The following VPS8 variants were observed in gnomAD, a reference collection of about 807,000 sequenced individuals.
VPS8 encodes vacuolar protein sorting-associated protein 8 homolog.
Under a neutral mutation model 216.4 loss-of-function variants are expected in VPS8, and 129 were observed. The ratio of observed to expected loss-of-function variants is 0.60; its 90% CI spans 0.52 to 0.69. The LOEUF (loss-of-function observed/expected upper bound fraction) is 0.69. Ranked by LOEUF, VPS8 falls within the 30% of genes least tolerant of loss-of-function variation. The probability of loss-of-function intolerance (pLI) is 0.00; values close to 1 mark genes in which losing one functional copy is unlikely to be tolerated. For synonymous variants in VPS8, 571 were observed against 565.4 expected, an observed-to-expected ratio of 1.01 and a Z score of -0.14; for missense variants, 1,531 against 1,683.5, an observed-to-expected ratio of 0.91 and a Z score of 1.59.
chr3:185,025,668 C>A (rs965340039), intron 46 of VPS8, among the ~76,000 whole-genome samples: 2 of 152,194 alleles, frequency 1.3e-5, no homozygotes, highest in Admixed American at 6.5e-5. Context: ...CACACTGTAA[C>A]GCAAAGAGCT....
At chr3:184,816,010 T>TGAA (rs1181974099) in intron 1 of VPS8, 1 of 152,134 alleles carries the variant, frequency 6.6e-6, no homozygotes, top group East Asian at 1.9e-4. Context: ...GTCAGTTATG[T>TGAA]GAAGAAGAAA....
At chr3:184,971,138 A>G (rs1033066520) in intron 39 of VPS8, among the ~76,000 whole-genome samples, 2 of 152,236 alleles carry the variant, frequency 1.3e-5, no homozygotes, top group Non-Finnish European at 2.9e-5. Flanking sequence ...TCTTAGGTTC[A>G]TTAGAAAATT....
chr3:185,008,403 C>G (rs1754547401), intron 45 of VPS8, among the ~76,000 whole-genome samples: 1 of 152,124 alleles, frequency 6.6e-6, no homozygotes, highest in African/African-American at 2.4e-5. Context: ...AAAAAATAAC[C>G]ATAGTTCCCA....
chr3:184,873,246 G>A (rs1032708172), intron 21 of VPS8, among the ~76,000 whole-genome samples: 2 of 152,186 alleles, frequency 1.3e-5, no homozygotes, highest in Admixed American at 6.5e-5. Context: ...TGGTGGAGAT[G>A]GGACTCATAT....
At chr3:184,974,300 G>A (rs1238304443) in intron 40 of VPS8, among the ~76,000 whole-genome samples, 2 of 152,080 alleles carry the variant, frequency 1.3e-5, no homozygotes, top group African/African-American at 2.4e-5. Context: ...GATGGTTACC[G>A]ACGTTGGAAG....
At position 184,901,941 on chromosome 3, in the gene VPS8, G is replaced by A. The variant is rs142700928; in HGVS notation, c.2146+969G>A. ...CCGCTCCACATCCTTGCAAGCACTT[G>A]ATACTGTCAGTGTTTTAAAATCTTC... is the stretch of plus-strand genomic sequence containing the variant. On this transcript the variant is annotated intron_variant, in intron 25 of 47. Transcript: ENST00000625842. Among the ~76,000 whole-genome samples the A allele has an allele frequency of 4.6e-5, 7 of 152,214 alleles. No individual in the cohort carries two copies. The East Asian group carries it at 1.4e-3, about 29-fold the overall frequency.
At chr3:184,872,492 T>C (rs1728522463) in intron 21 of VPS8, among the ~76,000 whole-genome samples, 1 of 152,078 alleles carries the variant, frequency 6.6e-6, no homozygotes, top group African/African-American at 2.4e-5. Context: ...GATGCATTAC[T>C]ACTAACAGAT....
At chr3:184,982,681 C>T (rs372977241) in intron 41 of VPS8, 34 bp downstream of exon 41, 32 of 1,499,380 alleles carry the variant, frequency 2.1e-5, no homozygotes, top group Admixed American at 7.2e-5. Context: ...ACTGAGTCCA[C>T]CTGTATCATC....
intron 40 of VPS8, among the ~76,000 whole-genome samples, chr3:184,977,213 C>G (rs1447622086): frequency 6.6e-6 from 1 of 152,050 alleles, no homozygotes; most frequent in Non-Finnish European, 1.5e-5. Context: ...ATTAGTGATG[C>G]GTAGCATTTT....
At chr3:184,854,600 T>C (rs893928646) in intron 13 of VPS8, among the ~76,000 whole-genome samples, 2 of 152,190 alleles carry the variant, frequency 1.3e-5, no homozygotes, top group African/African-American at 4.8e-5. Flanking sequence ...GATAAGTTGA[T>C]TTATTGAGTC....
rs1759064087 is a variant in VPS8 at position 185,037,367 on chromosome 3, A to G, written c.4057-11112A>G. ...AGTCATTTTTCTCTTGCTGTTTTCAAGTTTTTCACATTGTTACTGACTTTT... is the reference window on the plus strand; with the variant it reads ...AGTCATTTTTCTCTTGCTGTTTTCAGGTTTTTCACATTGTTACTGACTTTT... On this transcript the variant is annotated intron_variant, in intron 46 of 47. Coordinates refer to ENST00000625842, the MANE Select transcript of VPS8 (RefSeq NM_001009921.3). 2.0e-5 allele frequency among the ~76,000 whole-genome samples: 3 copies of G among 152,194 alleles called. No homozygotes were observed. The South Asian group carries it at 6.2e-4, about 32-fold the overall frequency.
chr3:184,982,499 A>G lies in VPS8; in HGVS notation c.3421-67A>G, dbSNP rs1023763475. The G allele has an allele frequency of 1.7e-5, 20 of 1,155,608 alleles. No homozygotes were observed. The South Asian group carries it at 2.6e-4, about 15-fold the overall frequency. 71.6% of individuals were successfully genotyped at this position (1,155,608 alleles called of 1,614,324 possible). ...GTAAAACATCATGCTGATGTTAGTT[A>G]TTCTTTTGTTTTTCATTGTTTTCTT... On this transcript the variant is annotated intron_variant, in intron 40 of 47. Transcript: ENST00000625842.
intron 46 of VPS8, among the ~76,000 whole-genome samples, chr3:185,041,343 C>T (rs963264314): frequency 6.6e-6 from 1 of 151,936 alleles, no homozygotes; most frequent in East Asian, 1.9e-4. Flanking sequence ...TATGACACTT[C>T]AGCTTGAGTA....
rs1723954601 is a variant in VPS8, at chr3:184,850,050, A to G, written c.753+28A>G. The stretch of plus-strand genomic sequence containing the variant: ...AAGAGCTTTATTTTCTTTTCCTAAT[A>G]ATTTTTTTATTATGCCTTTGTGTTT... On this transcript the variant is annotated intron_variant, in intron 10 of 47. Coordinates refer to ENST00000625842, the MANE Select transcript of VPS8 (RefSeq NM_001009921.3). 4.5e-6 allele frequency: 7 copies of G among 1,563,280 alleles called. No homozygotes were observed. The East Asian group carries it at 1.6e-4, about 35-fold the overall frequency.
intron 45 of VPS8, among the ~76,000 whole-genome samples, chr3:185,007,261 T>G (rs1203466843): frequency 2.6e-5 from 4 of 152,350 alleles, no homozygotes; most frequent in African/African-American, 2.4e-5. Context: ...TTCTGATTTC[T>G]CTACATATTA....
chr3:184,954,884 A>G (rs1025225679), intron 36 of VPS8, among the ~76,000 whole-genome samples: 1 of 152,260 alleles, frequency 6.6e-6, no homozygotes, highest in African/African-American at 2.4e-5. Flanking sequence ...TATAAACATT[A>G]ATCATTAGCT....
intron 25 of VPS8, among the ~76,000 whole-genome samples, chr3:184,910,837 G>A (rs1033162748): frequency 1.3e-4 from 20 of 152,134 alleles, no homozygotes; most frequent in Admixed American, 5.9e-4. Context: ...CCCCAAATGA[G>A]GCTGAAGTCC....
chr3:184,936,515 C>CTGTGTGTGTGTG (rs59011109), intron 35 of VPS8, among the ~76,000 whole-genome samples, 180 bp downstream of exon 35: 1,838 of 119,336 alleles, frequency 0.015, 24 homozygotes, highest in Middle Eastern at 0.026. Context: ...CAACCTAATA[C>CTGTGTGTGTGTG]TGTGTGTGTG....
intron 46 of VPS8, among the ~76,000 whole-genome samples, chr3:185,028,607 G>T (rs1757703550): frequency 6.6e-6 from 1 of 152,176 alleles, no homozygotes; most frequent in Non-Finnish European, 1.5e-5. Flanking sequence ...CTAACCCTAG[G>T]CTGTGTTAAT....
Sources: allele counts gnomAD v4.1 joint callset (sites outside exome capture counted in the v4.1 genomes callset), GRCh38; gene constraint gnomAD v4.1.1; transcripts MANE v1.5; gene names NCBI Gene and HGNC (gene_info 2026-07-23, HGNC 2026-07-21).